BNC1: variants seen among roughly 807,000 people sequenced by gnomAD.
BNC1 encodes zinc finger protein basonuclin-1.
In BNC1, 8 loss-of-function variants were observed where a neutral mutation model predicts 66.5. That is an observed-to-expected ratio of 0.12 (90% CI 0.07 to 0.22). The LOEUF is 0.22. Among genes scored for constraint, BNC1 ranks in the 10% least tolerant of loss-of-function variants. The pLI is 1.00. For synonymous variants in BNC1, 454 were observed against 452.6 expected (o/e 1.00, Z -0.04); for missense variants, 1,069 against 1,241.3 (o/e 0.86, Z 2.09).
chr15:83,267,165 AT>A, intron 2 of BNC1, 94 bp from the exon 3 acceptor site: 1 of 900,412 alleles, frequency 1.1e-6, no homozygotes, highest in Non-Finnish European at 1.7e-6. Flanking sequence ...ATTCTTGGTT[AT>A]TTATTCCACA....
intron 2 of BNC1, among the ~76,000 whole-genome samples, chr15:83,267,760 T>C (rs749598190): frequency 3.6e-4 from 55 of 152,178 alleles, no homozygotes; most frequent in Non-Finnish European, 6.2e-4. Context: ...AAAATATTCA[T>C]TGGGATATAC....
intron 1 of BNC1, among the ~76,000 whole-genome samples, chr15:83,277,546 T>G (rs1438693482): frequency 6.6e-6 from 1 of 152,192 alleles, no homozygotes; most frequent in Admixed American, 6.5e-5. Flanking sequence ...CCTGACCTCA[T>G]GATCTGCCCA....
At chr15:83,278,412 C>G (rs1228071065) in intron 1 of BNC1, among the ~76,000 whole-genome samples, 1 of 152,154 alleles carries the variant, frequency 6.6e-6, no homozygotes, top group African/African-American at 2.4e-5. Context: ...TGGTCAAAAA[C>G]AGCAGAGTAG....
intron 1 of BNC1, among the ~76,000 whole-genome samples, chr15:83,278,724 T>C (rs2038350666): frequency 6.6e-6 from 1 of 152,208 alleles, no homozygotes; most frequent in Non-Finnish European, 1.5e-5. Context: ...TAGGAGGCCA[T>C]TTGTCTCTGG....
In BNC1 at chr15:83,257,263, A is replaced by T. The variant is rs1567189265; in HGVS notation, c.*179T>A. ...GAAAAATAATAGGAAGGGCTGCCCCAGTGTCATCTTCCCACGAGGTTTGTC... is the reference window on the plus strand; with the variant it reads ...GAAAAATAATAGGAAGGGCTGCCCCTGTGTCATCTTCCCACGAGGTTTGTC... On this transcript the variant is annotated 3_prime_UTR_variant, in exon 5 of 5. Coordinates refer to ENST00000345382, the MANE Select transcript of BNC1 (RefSeq NM_001717.4). The T allele has an allele frequency of 1.5e-6, 1 of 679,788 alleles. No individual in the cohort carries two copies. The highest frequency in any genetic ancestry group is 3.8e-4 in the Middle Eastern group (1 of 2,630). 42.1% of individuals were successfully genotyped at this position (679,788 alleles called of 1,614,324 possible). A position where few individuals can be genotyped will look rare whatever the true frequency, so the allele number is the denominator to read the frequency against.
At chr15:83,279,574 G>T (rs1193496660) in intron 1 of BNC1, among the ~76,000 whole-genome samples, 9 of 152,192 alleles carry the variant, frequency 5.9e-5, no homozygotes. Flanking sequence ...CAAGGAGCCT[G>T]GGCCACAGAG....
Position 83,263,798 on chromosome 15 carries a change from C to T in BNC1, c.1453G>A (p.Val485Ile), listed in dbSNP as rs1451969044. The change falls in exon 4 of 5, where the codon GTC (valine) becomes ATC (isoleucine). Residue 485 changes from valine (V) to isoleucine (I), a missense_variant. Val to Ile is a conservative substitution (Grantham distance 29). Coordinates refer to ENST00000345382, the MANE Select transcript of BNC1 (RefSeq NM_001717.4). ...CGGTAGAAAGGAAGGACTGGCTGGACTGTCTTTAGGTTGGGAAAAAGCACA... is the reference window on the plus strand; with the variant it reads ...CGGTAGAAAGGAAGGACTGGCTGGATTGTCTTTAGGTTGGGAAAAAGCACA... ...NGVLFPNLKT[V>I]QPVLPFYRSP... The T allele has an allele frequency of 1.2e-6, 2 of 1,613,990 alleles. No individual in the cohort carries two copies. The highest frequency in any genetic ancestry group is 1.7e-6 in the Non-Finnish European group (2 of 1,180,034).
chr15:83,259,900 G>A (rs1465355494), intron 4 of BNC1, among the ~76,000 whole-genome samples: 2 of 152,032 alleles, frequency 1.3e-5, no homozygotes, highest in Non-Finnish European at 2.9e-5. Flanking sequence ...CCAGGCTTTG[G>A]TTTCTAGGAC....
chr15:83,284,020 C>A (rs928533158), intron 1 of BNC1, among the ~76,000 whole-genome samples: 6 of 151,878 alleles, frequency 4.0e-5, no homozygotes, highest in African/African-American at 1.5e-4. Flanking sequence ...TGCCGCGCGC[C>A]CCGTTCTCCA....
chr15:83,263,578 C>G lies in BNC1; in HGVS notation c.1673G>C (p.Arg558Thr). Residue 558 changes from arginine (R) to threonine (T), a missense_variant, in exon 4 of 5, where the codon AGA becomes ACA. Arg to Thr is a moderately conservative substitution (Grantham distance 71). Coordinates refer to ENST00000345382, the MANE Select transcript of BNC1 (RefSeq NM_001717.4). ...GTCTTCATCTGAGCTGAGGTTGTGT[C>G]TTTTCTCATTAGCTATTTCCACAGC... ...KEAVEIANEK[R>T]HNLSSDEDMP... 2.5e-6 allele frequency: 4 copies of G among 1,614,238 alleles called. No homozygotes were observed. Among genetic ancestry groups the G allele is most frequent in the Non-Finnish European group, 3.4e-6 (4 of 1,180,038 alleles).
chr15:83,257,951 G>A lies in BNC1; in HGVS notation c.2476C>T (p.Arg826Ter), dbSNP rs1270575850. The A allele has an allele frequency of 3.7e-6, 6 of 1,614,124 alleles. No homozygotes were observed. Among genetic ancestry groups the A allele is most frequent in the East Asian group, 2.2e-5 (1 of 44,878 alleles). ...ATTGGGTAAACCAGACTGCCCATTC[G>A]ACTTGTTCCTTTGAAGATGACAGAT... ...QTSVIFKGTS[R>*]MGSLVYPITQ... Residue 826 changes from arginine to a stop codon, truncating the protein, a stop_gained, in exon 5 of 5, where the codon CGA becomes TGA. Coordinates refer to ENST00000345382, the MANE Select transcript of BNC1 (RefSeq NM_001717.4). LOFTEE classifies it high-confidence loss of function.
At chr15:83,259,661 A>G (rs1191689852) in intron 4 of BNC1, among the ~76,000 whole-genome samples, 1 of 152,190 alleles carries the variant, frequency 6.6e-6, no homozygotes, top group African/African-American at 2.4e-5. Context: ...ACAAGTGGTT[A>G]AAAAGAAAGA....
chr15:83,270,278 G>A (rs1330316382), intron 1 of BNC1, among the ~76,000 whole-genome samples: 1 of 152,152 alleles, frequency 6.6e-6, no homozygotes, highest in Non-Finnish European at 1.5e-5. Context: ...TCTAATTTTG[G>A]AACATTTTCA....
chr15:83,274,080 TATTA>T (rs769828474), intron 1 of BNC1, among the ~76,000 whole-genome samples: 6 of 152,220 alleles, frequency 3.9e-5, no homozygotes, highest in Non-Finnish European at 7.3e-5. Flanking sequence ...GAGTCATTTG[TATTA>T]ATTAAAATTA....
intron 1 of BNC1, 21 bp from the exon 2 acceptor site, chr15:83,268,253 G>A (rs2038236448): frequency 6.3e-7 from 1 of 1,577,634 alleles, no homozygotes; most frequent in Admixed American, 1.7e-5. Flanking sequence ...GGAGAAAACA[G>A]GTATGTGGAG....
chr15:83,267,087 G>A lies in BNC1; in HGVS notation c.200-16C>T, dbSNP rs747548364. 47 of 1,590,342 alleles carry A rather than the reference G, an allele frequency of 3.0e-5. No homozygotes were observed. The highest frequency in any genetic ancestry group is 4.1e-5 in the Non-Finnish European group (47 of 1,159,760). On this transcript the variant is annotated splice_polypyrimidine_tract_variant and intron_variant, in intron 2 of 4. Transcript: ENST00000345382. ...TTACTTAGAGCTGAAAAATCAAATT[G>A]AGGAAATGTCATTTTGAAAAGTTCT...
At chr15:83,283,120 G>A (rs971519534) in intron 1 of BNC1, 2 of 1,534,838 alleles carry the variant, frequency 1.3e-6, no homozygotes, top group Admixed American at 3.9e-5. Flanking sequence ...GCTGGGAGAT[G>A]GCATTCCACT....
At chr15:83,264,849 A>G (rs373009766) in intron 3 of BNC1, 34 bp from the exon 4 acceptor site, 3 of 1,588,426 alleles carry the variant, frequency 1.9e-6, no homozygotes, top group South Asian at 1.2e-5. Flanking sequence ...AGTGTGATCA[A>G]TTTACAACTC....
intron 1 of BNC1, among the ~76,000 whole-genome samples, chr15:83,280,378 T>A (rs1338991269): frequency 1.3e-5 from 2 of 152,066 alleles, no homozygotes; most frequent in Non-Finnish European, 2.9e-5. Flanking sequence ...AGGAAAAAAA[T>A]ACAGAGCAAA....
Sources: gnomAD v4.1 joint callset for allele counts (sites outside exome capture counted in the v4.1 genomes callset) on GRCh38, gnomAD v4.1.1 for gene constraint, MANE v1.5 for transcripts, NCBI Gene and HGNC (gene_info 2026-07-23, HGNC 2026-07-21) for gene names.